The following KCNIP1 variants were observed in gnomAD, a reference collection of about 807,000 sequenced individuals.
KCNIP1 encodes potassium voltage-gated channel interacting protein 1, also known as A-type potassium channel modulatory protein KCNIP1.
In KCNIP1, 18 loss-of-function variants were observed where a neutral mutation model predicts 33.0. The ratio of observed to expected loss-of-function variants is 0.55; its 90% confidence interval spans 0.38 to 0.81. KCNIP1 has a LOEUF of 0.81. Among genes scored for constraint, KCNIP1 ranks in the 30% least tolerant of loss-of-function variants. KCNIP1 has a pLI of 0.00. For synonymous variants in KCNIP1, 93 were observed against 98.3 expected (o/e 0.95, Z 0.32); for missense variants, 238 against 271.6 (o/e 0.88, Z 0.87).
upstream of KCNIP1, among the ~76,000 whole-genome samples, chr5:170,500,408 C>A (rs936441738): frequency 6.6e-6 from 1 of 152,168 alleles, no homozygotes; most frequent in Non-Finnish European, 1.5e-5. Flanking sequence ...GTAAAGGGAG[C>A]AACAGCCACT....
chr5:170,720,290 G>T, intron 2 of KCNIP1, 31 bp from the exon 3 acceptor site: 1 of 1,567,366 alleles, frequency 6.4e-7, no homozygotes, highest in Non-Finnish European at 8.8e-7. Context: ...GCCCTCAAAT[G>T]CCTCCCGCTG....
intron 1 of KCNIP1, among the ~76,000 whole-genome samples, chr5:170,641,426 G>A (rs1287770494): frequency 6.6e-6 from 1 of 152,252 alleles, no homozygotes; most frequent in Non-Finnish European, 1.5e-5. Flanking sequence ...CCCAGGGGAA[G>A]GTGGCCGTCA....
chr5:170,662,423 C>G lies in KCNIP1; in HGVS notation c.62-56335C>G, dbSNP rs147008181. Among the ~76,000 whole-genome samples the G allele has an allele frequency of 1.5e-3, 230 of 152,318 alleles. 1 individual carries two copies. Among genetic ancestry groups the G allele is most frequent in the African/African-American group, 5.2e-3 (217 of 41,572 alleles). Reference sequence around the variant, plus strand: ...CCTGAGTCCACCAAAGCATCCATTTCTTCCAGGTTTAACCACAAGGCCTTT... The same window carrying G: ...CCTGAGTCCACCAAAGCATCCATTTGTTCCAGGTTTAACCACAAGGCCTTT... On this transcript the variant is annotated intron_variant, in intron 1 of 7. Transcript: ENST00000328939.
intron 1 of KCNIP1, chr5:170,483,063 G>A (rs1344291817): frequency 2.2e-6 from 1 of 454,674 alleles, no homozygotes; most frequent in Non-Finnish European, 4.4e-6. Context: ...AGGACAGATG[G>A]AGTCAAAAGT....
At chr5:170,365,288 C>T (rs957607498) in intron 1 of KCNIP1, among the ~76,000 whole-genome samples, 10 of 151,992 alleles carry the variant, frequency 6.6e-5, no homozygotes, top group Non-Finnish European at 1.3e-4. Flanking sequence ...AGGCTCGGCA[C>T]TGCATGCCCT....
intron 1 of KCNIP1, among the ~76,000 whole-genome samples, chr5:170,640,006 G>A (rs1441321807): frequency 6.6e-6 from 1 of 152,248 alleles, no homozygotes; most frequent in Non-Finnish European, 1.5e-5. Context: ...CCCCATGGCT[G>A]CCACTTCATG....
At chr5:170,367,482 C>T (rs1245469240) in intron 1 of KCNIP1, among the ~76,000 whole-genome samples, 1 of 151,054 alleles carries the variant, frequency 6.6e-6, no homozygotes, top group Non-Finnish European at 1.5e-5. Context: ...GTGCAGCACC[C>T]AGCACAAGAC....
At chr5:170,727,221 A>G (rs899711510) in intron 5 of KCNIP1, among the ~76,000 whole-genome samples, 3 of 152,252 alleles carry the variant, frequency 2.0e-5, no homozygotes, top group Admixed American at 6.5e-5. Context: ...ACACTGTTTT[A>G]CTCCATTTAC....
chr5:170,481,963 A>G (rs1201462377), intron 1 of KCNIP1, among the ~76,000 whole-genome samples: 1 of 152,140 alleles, frequency 6.6e-6, no homozygotes, highest in Non-Finnish European at 1.5e-5. Context: ...TTGTTTCTGT[A>G]GGTAGTAAAG....
intron 1 of KCNIP1, among the ~76,000 whole-genome samples, chr5:170,528,949 T>C (rs1046691524): frequency 1.3e-5 from 2 of 152,174 alleles, no homozygotes; most frequent in Non-Finnish European, 2.9e-5. Flanking sequence ...TGGGAGACCA[T>C]ACCTAACCCC....
At chr5:170,500,303 G>A (rs1016084739), upstream of KCNIP1, among the ~76,000 whole-genome samples, 2 of 152,168 alleles carry the variant, frequency 1.3e-5, no homozygotes, top group African/African-American at 4.8e-5. Context: ...TTCAACACAG[G>A]GATTTTGGAG....
rs1443539180 is a variant in KCNIP1, at chr5:170,736,286, G to C, written c.*480G>C. 1 of 160,796 alleles carries C rather than the reference G, an allele frequency of 6.2e-6. No homozygotes were observed. The highest frequency in any genetic ancestry group is 1.4e-5 in the Non-Finnish European group (1 of 72,898). The allele number at this position is 160,796 out of a possible 1,614,324, so 10.0% of individuals were successfully genotyped here. A position where few individuals can be genotyped will look rare whatever the true frequency, so the allele number is the denominator to read the frequency against. On this transcript the variant is annotated 3_prime_UTR_variant, in exon 8 of 8. Coordinates refer to ENST00000328939, the MANE Select transcript of KCNIP1 (RefSeq NM_014592.4). ...TGGTGGGAAGAATGAGAGTTATCCAGAACAATTAGGATCTGTCATGACCAG... is the reference window on the plus strand; with the variant it reads ...TGGTGGGAAGAATGAGAGTTATCCACAACAATTAGGATCTGTCATGACCAG...
intron 4 of KCNIP1, 83 bp downstream of exon 4, chr5:170,721,986 T>G (rs2113874893): frequency 2.7e-6 from 4 of 1,482,918 alleles, no homozygotes; most frequent in Non-Finnish European, 3.7e-6. Context: ...TGGGGGAAGG[T>G]CTGGACCATC....
chr5:170,353,837 T>G, exon 1 of KCNIP1: 1 of 1,597,742 alleles, frequency 6.3e-7, no homozygotes, highest in African/African-American at 1.3e-5. Context: ...CACTGTCCCT[T>G]CTGGGTGCTG....
intron 1 of KCNIP1, among the ~76,000 whole-genome samples, chr5:170,468,388 A>G (rs565867347): frequency 6.6e-6 from 1 of 152,352 alleles, no homozygotes; most frequent in African/African-American, 2.4e-5. Context: ...TGATTGTTAA[A>G]ATTTGCTAGA....
chr5:170,651,664 T>C (rs1462979214), intron 1 of KCNIP1, among the ~76,000 whole-genome samples: 2 of 152,150 alleles, frequency 1.3e-5, no homozygotes, highest in Non-Finnish European at 2.9e-5. Context: ...CTTTTAAATA[T>C]TTGCTTCCGT....
At chr5:170,605,120 T>C (rs1241731495) in intron 1 of KCNIP1, among the ~76,000 whole-genome samples, 1 of 152,174 alleles carries the variant, frequency 6.6e-6, no homozygotes, top group Non-Finnish European at 1.5e-5. Context: ...TGAGATGTGC[T>C]CACCTCTTAG....
At chr5:170,605,119 C>T (rs1239516759) in intron 1 of KCNIP1, among the ~76,000 whole-genome samples, 1 of 152,178 alleles carries the variant, frequency 6.6e-6, no homozygotes, top group Non-Finnish European at 1.5e-5. Flanking sequence ...ATGAGATGTG[C>T]TCACCTCTTA....
intron 1 of KCNIP1, among the ~76,000 whole-genome samples, chr5:170,619,925 G>A (rs1465569016): frequency 6.6e-6 from 1 of 152,140 alleles, no homozygotes; most frequent in African/African-American, 2.4e-5. Flanking sequence ...TTCAAGGAGG[G>A]TTGAGGGGTC....
Sources: allele counts gnomAD v4.1 joint callset (sites outside exome capture counted in the v4.1 genomes callset), GRCh38; gene constraint gnomAD v4.1.1; transcripts MANE v1.5; gene names NCBI Gene and HGNC (gene_info 2026-07-23, HGNC 2026-07-21).